CFAP44: variants seen among roughly 807,000 people sequenced by gnomAD.
CFAP44 encodes the protein cilia and flagella associated protein 44, also known as cilia- and flagella-associated protein 44.
Under a neutral mutation model 216.2 loss-of-function variants are expected in CFAP44, and 134 were observed. The ratio of observed to expected loss-of-function variants is 0.62; its 90% CI spans 0.54 to 0.72. The LOEUF is 0.72. Among genes scored for constraint, CFAP44 ranks in the 30% least tolerant of loss-of-function variants. The pLI is 0.00. For synonymous variants in CFAP44, 700 were observed against 727.6 expected (o/e 0.96, Z 0.61); for missense variants, 2,035 against 2,182.1 (o/e 0.93, Z 1.34).
chr3:113,373,019 T>C (rs1169432926), intron 18 of CFAP44, among the ~76,000 whole-genome samples: 1 of 152,220 alleles, frequency 6.6e-6, no homozygotes, highest in Non-Finnish European at 1.5e-5. Context: ...GAAGCTATTA[T>C]ATTGGGTCGT....
At position 113,373,463 on chromosome 3, in the gene CFAP44, C is replaced by T; in HGVS notation, c.2392G>A (p.Val798Ile). Residue 798 changes from valine (V) to isoleucine (I), a missense_variant, in exon 18 of 35, where the codon GTC becomes ATC. Val to Ile is a conservative substitution (Grantham distance 29). This residue lies in a region of CFAP44 where 1,883 missense variants were observed against 2,023.7 expected (regional missense o/e 0.93). Coordinates refer to ENST00000393845, the MANE Select transcript of CFAP44 (RefSeq NM_001164496.2). Reference sequence around the variant, plus strand: ...TCCTCTGTATCCGCAAGATAACGGACATCAATAGGTTCATCTTTTTGTTCT... The same window carrying T: ...TCCTCTGTATCCGCAAGATAACGGATATCAATAGGTTCATCTTTTTGTTCT... ...FKEQKDEPID[V>I]RYLADTEDNP... 6.2e-7 allele frequency: 1 copy of T among 1,609,040 alleles called. No homozygotes were observed. The highest frequency in any genetic ancestry group is 8.5e-7 in the Non-Finnish European group (1 of 1,177,324).
At chr3:113,362,280 G>C (rs1295761417) in intron 21 of CFAP44, among the ~76,000 whole-genome samples, 1 of 152,010 alleles carries the variant, frequency 6.6e-6, no homozygotes, top group African/African-American at 2.4e-5. Flanking sequence ...CTGGGTGAAG[G>C]GACAGGAGGG....
chr3:113,425,939 C>T (rs1576606650), intron 4 of CFAP44, 185 bp downstream of exon 4: 1 of 650,176 alleles, frequency 1.5e-6, no homozygotes, highest in South Asian at 2.3e-5. Context: ...TATCCCTGTC[C>T]TTGTTGTGTG....
intron 28 of CFAP44, among the ~76,000 whole-genome samples, chr3:113,324,027 A>C: frequency 6.9e-6 from 1 of 145,276 alleles, no homozygotes; most frequent in South Asian, 2.2e-4. Flanking sequence ...CTGGTGACAG[A>C]GCAAGACTCC....
At chr3:113,302,867 T>C (rs1325195384) in intron 32 of CFAP44, among the ~76,000 whole-genome samples, 2 of 151,260 alleles carry the variant, frequency 1.3e-5, no homozygotes, top group Non-Finnish European at 1.5e-5. Flanking sequence ...AAGGATATAT[T>C]AAGAACTCCC....
At chr3:113,350,537 A>C (rs1950433847) in intron 22 of CFAP44, among the ~76,000 whole-genome samples, 1 of 152,236 alleles carries the variant, frequency 6.6e-6, no homozygotes, top group Admixed American at 6.5e-5. Context: ...ATAATTGATA[A>C]TTGACAGTCT....
chr3:113,312,238 ATT>A (rs769734983), intron 28 of CFAP44, among the ~76,000 whole-genome samples: 33 of 130,650 alleles, frequency 2.5e-4, no homozygotes, highest in Non-Finnish European at 2.3e-4. Flanking sequence ...TGCCTGGCTA[ATT>A]TTTTTTTTTT....
At chr3:113,336,147 A>G (rs909650721) in intron 24 of CFAP44, among the ~76,000 whole-genome samples, 2 of 152,192 alleles carry the variant, frequency 1.3e-5, no homozygotes, top group Non-Finnish European at 2.9e-5. Flanking sequence ...ACACAAGTTT[A>G]CACATTAAGA....
At chr3:113,414,737 C>T (rs1404418467) in intron 6 of CFAP44, among the ~76,000 whole-genome samples, 1 of 151,986 alleles carries the variant, frequency 6.6e-6, no homozygotes, top group Non-Finnish European at 1.5e-5. Flanking sequence ...ATACGTTTTT[C>T]GATGTGCTGC....
chr3:113,351,651 G>A (rs12634440), intron 22 of CFAP44, among the ~76,000 whole-genome samples: 36,926 of 152,020 alleles, frequency 0.24, 4,673 homozygotes, highest in East Asian at 0.41. Flanking sequence ...AGTACGAGAT[G>A]CCAACCGGCA....
intron 6 of CFAP44, among the ~76,000 whole-genome samples, chr3:113,414,335 T>G (rs1934581232): frequency 6.6e-6 from 1 of 152,156 alleles, no homozygotes; most frequent in African/African-American, 2.4e-5. Flanking sequence ...TCTCTTCCTA[T>G]TTGAATACGC....
chr3:113,328,714 AAAAAAAAAAAAAAAC>A lies in CFAP44; in HGVS notation c.4117-910_4117-896del, dbSNP rs1559912997. 7.1e-3 allele frequency among the ~76,000 whole-genome samples: 1,062 copies of A among 149,364 alleles called. 22 individuals carry two copies. The highest frequency in any genetic ancestry group is 0.025 in the African/African-American group (1,005 of 40,540). On this transcript the variant is annotated intron_variant, in intron 26 of 34. Transcript: ENST00000393845. ...GAGAGCTTAAAAAAAAAAAAAAAAA[AAAAAAAAAAAAAAAC>A]AGAGAGAGAAGAAAAAATTAAACTT...
intron 22 of CFAP44, among the ~76,000 whole-genome samples, chr3:113,347,152 G>A (rs758854274): frequency 1.9e-4 from 29 of 152,262 alleles, no homozygotes; most frequent in South Asian, 4.1e-4. Context: ...AGTGACTAGC[G>A]TGGCCGCCGG....
In CFAP44 at chr3:113,351,645, C is replaced by T. The variant is rs561905364; in HGVS notation, c.3066-6933G>A. On this transcript the variant is annotated intron_variant, in intron 22 of 34. Coordinates refer to ENST00000393845, the MANE Select transcript of CFAP44 (RefSeq NM_001164496.2). ...TTACACTAACCAGTCAGGGATAGTA[C>T]GAGATGCCAACCGGCATTTACAGGA... Among the ~76,000 whole-genome samples, 154 of 152,266 alleles carry T rather than the reference C, an allele frequency of 1.0e-3. 2 individuals carry two copies. The highest frequency in any genetic ancestry group is 3.5e-3 in the Admixed American group (53 of 15,278).
chr3:113,415,065 T>C (rs138722231), intron 6 of CFAP44, among the ~76,000 whole-genome samples: 4,358 of 152,284 alleles, frequency 0.029, 112 homozygotes, highest in East Asian at 0.1. Flanking sequence ...ATTCAGGGAT[T>C]CAACTTCTTT....
intron 23 of CFAP44, among the ~76,000 whole-genome samples, chr3:113,343,147 C>T (rs1480678737): frequency 4.0e-5 from 6 of 150,308 alleles, no homozygotes; most frequent in African/African-American, 1.5e-4. Flanking sequence ...CTGCAACCTC[C>T]ACCTCTGGGG....
At position 113,305,028 on chromosome 3, in the gene CFAP44, C is replaced by A. The variant is rs566414890; in HGVS notation, c.4875+8G>T. On this transcript the variant is annotated splice_region_variant and intron_variant, in intron 31 of 34. Transcript: ENST00000393845. ...GACAGGATGGAGCAGCCTCCCCAGA[C>A]GCATCACCTGGTGGAGCTTGAGCGG... 2.0e-6 allele frequency: 3 copies of A among 1,536,704 alleles called. No homozygotes were observed. Among genetic ancestry groups the A allele is most frequent in the Non-Finnish European group, 2.6e-6 (3 of 1,146,502 alleles).
rs192579943 is a variant in CFAP44, at chr3:113,341,010, G to A, written c.3437+734C>T. ...TCGTCCCACTGGTCAATGGCCTGCC[G>A]GCGTGCTGGCATCTGTTGATGCCTG... On this transcript the variant is annotated intron_variant, in intron 24 of 34. Transcript: ENST00000393845. Among the ~76,000 whole-genome samples, 296 of 152,220 alleles carry A rather than the reference G, an allele frequency of 1.9e-3. 2 individuals carry two copies. The highest frequency in any genetic ancestry group is 5.8e-3 in the African/African-American group (242 of 41,540).
chr3:113,320,615 AG>A (rs1467200932), intron 28 of CFAP44, among the ~76,000 whole-genome samples: 8 of 151,018 alleles, frequency 5.3e-5, no homozygotes, highest in Non-Finnish European at 8.8e-5. Flanking sequence ...AGTATTAAGG[AG>A]TTTATTAAGT....
Sources: allele counts gnomAD v4.1 joint callset (sites outside exome capture counted in the v4.1 genomes callset), GRCh38; gene constraint gnomAD v4.1.1; regional missense constraint gnomAD v4.1.1; transcripts MANE v1.5; gene names NCBI Gene and HGNC (gene_info 2026-07-23, HGNC 2026-07-21).